Variants in HELQ observed in about 807,000 individuals in gnomAD.
The protein encoded by HELQ is helicase POLQ-like.
Under a neutral mutation model 111.6 loss-of-function variants are expected in HELQ, and 77 were observed. The ratio of observed to expected loss-of-function variants is 0.69; its 90% confidence interval spans 0.57 to 0.83. HELQ has a LOEUF of 0.83. HELQ is among the 40% of genes least tolerant of loss of function. The pLI is 0.00. For missense variants in HELQ, 1,200 were observed against 1,288.5 expected, an observed-to-expected ratio of 0.93 and a Z score of 1.05; for synonymous variants, 438 against 454.7, an observed-to-expected ratio of 0.96 and a Z score of 0.47.
chr4:83,455,360 C>G, intron 1 of HELQ, 37 bp downstream of exon 1: 1 of 1,596,796 alleles, frequency 6.3e-7, no homozygotes. Flanking sequence ...GGAAGGATGC[C>G]AAAAGTTTGC....
intron 17 of HELQ, among the ~76,000 whole-genome samples, chr4:83,408,552 CTT>C (rs546749656): frequency 2.8e-5 from 4 of 142,036 alleles, no homozygotes; most frequent in Admixed American, 7.1e-5. Flanking sequence ...TGCCCAGCCT[CTT>C]TTTTTTTTTT....
In HELQ at chr4:83,426,073, G is replaced by C. The variant is rs777097219; in HGVS notation, c.2696C>G (p.Ala899Gly). 6.2e-7 allele frequency: 1 copy of C among 1,604,398 alleles called. No individual in the cohort carries two copies. Among genetic ancestry groups the C allele is most frequent in the Non-Finnish European group, 8.5e-7 (1 of 1,172,294 alleles). ...YFRQFSQLSP[A>G]EQNVAAILGV... ...AAGAATGGCAGCTACATTTTGTTCT[G>C]CTGGACTGAGTTGGCTAAACTACAT... Residue 899 changes from alanine to glycine, a missense_variant, in exon 14 of 18, where the codon GCA becomes GGA. Coordinates refer to ENST00000295488, the MANE Select transcript of HELQ (RefSeq NM_133636.5).
At position 83,455,598 on chromosome 4, in the gene HELQ, G is replaced by A; in HGVS notation, c.96C>T (p.Ala32=). ...TCCCCTCATCTCCGGGCACGAGCTC[G>A]GCCGCGGTGGGAGCGCCAAAAATAC... ...LGCIFGAPTA[A]ELVPGDEGKE... The change falls in exon 1 of 18, where the codon GCC becomes GCT. Residue 32 remains alanine, a synonymous_variant. Coordinates refer to ENST00000295488, the MANE Select transcript of HELQ (RefSeq NM_133636.5). 1 of 1,614,018 alleles carries A rather than the reference G, an allele frequency of 6.2e-7. No homozygotes were observed. The highest frequency in any genetic ancestry group is 8.5e-7 in the Non-Finnish European group (1 of 1,179,990).
At chr4:83,446,185 G>A in intron 4 of HELQ, 99 bp from the exon 5 acceptor site, 1 of 800,880 alleles carries the variant, frequency 1.2e-6, no homozygotes, top group South Asian at 1.5e-5. Flanking sequence ...GTAAAGAGTT[G>A]CTTATAACTT....
At position 83,439,895 on chromosome 4, in the gene HELQ, A is replaced by C. The variant is rs1437838406; in HGVS notation, c.1776T>G (p.Asn592Lys). ...VFCPSKKNCENVAEMICKFLS... is the reference protein window; with the variant it reads ...VFCPSKKNCEKVAEMICKFLS... Reference sequence around the variant, plus strand: ...AAAATTTGCATATCATTTCTGCTACATTTTCACAGTTCTTCTTACTAGGAC... The same window carrying C: ...AAAATTTGCATATCATTTCTGCTACCTTTTCACAGTTCTTCTTACTAGGAC... Residue 592 changes from asparagine (N) to lysine (K), a missense_variant, in exon 8 of 18, where the codon AAT (asparagine) becomes AAG (lysine). Physicochemically the swap from Asn to Lys is moderately conservative, Grantham distance 94. Coordinates refer to ENST00000295488, the MANE Select transcript of HELQ (RefSeq NM_133636.5). The C allele has an allele frequency of 1.3e-6, 2 of 1,597,520 alleles. No homozygotes were observed. The highest frequency in any genetic ancestry group is 1.7e-6 in the Non-Finnish European group (2 of 1,168,458).
chr4:83,448,994 C>G, intron 2 of HELQ, 33 bp from the exon 3 acceptor site: 2 of 1,480,734 alleles, frequency 1.4e-6, no homozygotes, highest in Non-Finnish European at 1.8e-6. Context: ...GCATTATTTT[C>G]CCCTTCCAAA....
chr4:83,447,859 C>CAAAAA (rs112143320), intron 3 of HELQ, among the ~76,000 whole-genome samples: 4 of 76,544 alleles, frequency 5.2e-5, no homozygotes, highest in African/African-American at 1.7e-4. Context: ...AAGACTGTCT[C>CAAAAA]AAAAAAAAAA....
At chr4:83,439,429 A>G (rs1276821431) in intron 8 of HELQ, among the ~76,000 whole-genome samples, 2 of 150,076 alleles carry the variant, frequency 1.3e-5, no homozygotes, top group Non-Finnish European at 2.9e-5. Context: ...GTGCGATCTC[A>G]GCTAACTGCA....
intron 17 of HELQ, among the ~76,000 whole-genome samples, chr4:83,413,751 C>T (rs971565486): frequency 6.6e-6 from 1 of 152,194 alleles, no homozygotes; most frequent in Non-Finnish European, 1.5e-5. Flanking sequence ...CATTCCCTCT[C>T]AAAACCTAGT....
chr4:83,427,595 A>G lies in HELQ; in HGVS notation c.2644T>C (p.Cys882Arg), dbSNP rs1719913927. Residue 882 changes from cysteine to arginine, a missense_variant, in exon 13 of 18, where the codon TGT (cysteine) becomes CGT (arginine). By Grantham distance (180) the Cys-to-Arg change is radical. This residue lies in a region of HELQ where 585 missense variants were observed against 665.3 expected (regional missense o/e 0.88). Coordinates refer to ENST00000295488, the MANE Select transcript of HELQ (RefSeq NM_133636.5). ...LTTPYDLVSQ[C>R]NPDWMIYFRQ... The stretch of plus-strand genomic sequence containing the variant: ...AAGTATATCATCCAATCAGGGTTAC[A>G]CTGTGAAACCAGATCATAGGGGGTT... The G allele has an allele frequency of 2.5e-6, 4 of 1,596,600 alleles. No individual in the cohort carries two copies. The African/African-American group carries it at 4.1e-5, about 16-fold the overall frequency.
chr4:83,452,400 T>C (rs891224337), intron 2 of HELQ, among the ~76,000 whole-genome samples: 2 of 152,216 alleles, frequency 1.3e-5, no homozygotes, highest in African/African-American at 2.4e-5. Context: ...TAAAGATGTC[T>C]AGCTTTGGGA....
At chr4:83,409,329 C>T (rs1437638401) in intron 17 of HELQ, among the ~76,000 whole-genome samples, 1 of 151,896 alleles carries the variant, frequency 6.6e-6, no homozygotes, top group Non-Finnish European at 1.5e-5. Flanking sequence ...GGTGGGCAGA[C>T]CATGAGGTCA....
chr4:83,455,208 T>C lies in HELQ; in HGVS notation c.297+189A>G. 4.0e-6 allele frequency: 5 copies of C among 1,262,034 alleles called. No homozygotes were observed. In the South Asian group the frequency reaches 8.2e-5, roughly 21 times the overall value. 78.2% of individuals were successfully genotyped at this position (1,262,034 alleles called of 1,614,324 possible). ...ACTTAACTGCTGCGTGCACAACTTTTATGTCTCGGGGTTTACATTTCATAT... is the reference window on the plus strand; with the variant it reads ...ACTTAACTGCTGCGTGCACAACTTTCATGTCTCGGGGTTTACATTTCATAT... On this transcript the variant is annotated intron_variant, in intron 1 of 17. Coordinates refer to ENST00000295488, the MANE Select transcript of HELQ (RefSeq NM_133636.5).
Position 83,455,622 on chromosome 4 carries a change from A to G in HELQ, c.72T>C (p.Cys24=), listed in dbSNP as rs1268869127. Residue 24 remains cysteine (C), a synonymous_variant, in exon 1 of 18, where the codon TGT becomes TGC. Transcript: ENST00000295488. ...LPKRNRPSLG[C]IFGAPTAAEL... ...CGGCCGCGGTGGGAGCGCCAAAAAT[A>G]CACCCCAAGCTTGGACGGTTCCTTT... 9.3e-6 allele frequency: 15 copies of G among 1,613,762 alleles called. No homozygotes were observed. Among genetic ancestry groups the G allele is most frequent in the Admixed American group, 6.7e-5 (4 of 59,996 alleles).
At chr4:83,452,711 G>A (rs1279025994) in intron 2 of HELQ, among the ~76,000 whole-genome samples, 1 of 152,154 alleles carries the variant, frequency 6.6e-6, no homozygotes, top group African/African-American at 2.4e-5. Context: ...TTCAAGAAGG[G>A]TGTAGTCAAT....
rs749021223 is a variant in HELQ at position 83,441,274 on chromosome 4, T to C, written c.1662+31A>G. On this transcript the variant is annotated intron_variant, in intron 7 of 17. Coordinates refer to ENST00000295488, the MANE Select transcript of HELQ (RefSeq NM_133636.5). ...GTTGTGCCCCAGACACAAAGTCTGG[T>C]AACCTGGAATTTAAATGTTATCAAT... 3 of 1,234,796 alleles carry C rather than the reference T, an allele frequency of 2.4e-6. No homozygotes were observed. The South Asian group carries it at 3.8e-5, about 15-fold the overall frequency. 76.5% of individuals were successfully genotyped at this position (1,234,796 alleles called of 1,614,324 possible). A position where few individuals can be genotyped will look rare whatever the true frequency, so the allele number is the denominator to read the frequency against.
At chr4:83,420,964 G>A (rs1395659716) in intron 15 of HELQ, among the ~76,000 whole-genome samples, 6 of 151,982 alleles carry the variant, frequency 3.9e-5, no homozygotes, top group Admixed American at 2.6e-4. Flanking sequence ...GTGCCACCAC[G>A]CCTGGCTAAT....
intron 17 of HELQ, among the ~76,000 whole-genome samples, chr4:83,411,092 T>C (rs184964686): frequency 4.7e-4 from 67 of 143,112 alleles, no homozygotes; most frequent in African/African-American, 1.7e-3. Context: ...CTTGGGAGGC[T>C]AAGGTTGCAG....
Position 83,453,896 on chromosome 4 carries a change from T to C in HELQ, c.347A>G (p.Glu116Gly). 2 of 1,613,888 alleles carry C rather than the reference T, an allele frequency of 1.2e-6. No individual in the cohort carries two copies. Among genetic ancestry groups the C allele is most frequent in the South Asian group, 2.2e-5 (2 of 91,072 alleles). The change falls in exon 2 of 18, where the codon GAA (glutamate) becomes GGA (glycine). Residue 116 changes from glutamate (E) to glycine (G), a missense_variant. Physicochemically the swap from Glu to Gly is moderately conservative, Grantham distance 98. Transcript: ENST00000295488. ...GTCAACTTGAGCTATAAAGGAGTTT[T>C]CAGTAAAGCTATCATAGTCACCAAA... ...DMFGDYDSFT[E>G]NSFIAQVDDL...
Sources: gnomAD v4.1 joint callset for allele counts (sites outside exome capture counted in the v4.1 genomes callset) on GRCh38, gnomAD v4.1.1 for gene constraint, gnomAD v4.1.1 regional missense constraint, MANE v1.5 for transcripts, NCBI Gene and HGNC (gene_info 2026-07-23, HGNC 2026-07-21) for gene names.